The following METTL16 variants were observed in gnomAD, a reference collection of about 807,000 sequenced individuals.
METTL16 encodes RNA N(6)-adenosine-methyltransferase METTL16.
Under a neutral mutation model 57.9 loss-of-function variants are expected in METTL16, and 19 were observed. The observed-to-expected ratio is 0.33, with a 90% confidence interval of 0.23 to 0.48. The LOEUF is 0.48. METTL16 is among the 20% of genes least tolerant of loss of function. The pLI is 0.99. For synonymous variants in METTL16, 246 were observed against 255.6 expected (o/e 0.96, Z 0.36); for missense variants, 434 against 691.5 (o/e 0.63, Z 4.18).
At chr17:2,485,660 T>C (rs2067336176) in intron 2 of METTL16, among the ~76,000 whole-genome samples, 1 of 152,248 alleles carries the variant, frequency 6.6e-6, no homozygotes, top group Non-Finnish European at 1.5e-5. Context: ...ACAGCTGGCA[T>C]GCATTCCTTT....
At chr17:2,500,344 T>C (rs1002857120) in intron 2 of METTL16, among the ~76,000 whole-genome samples, 2 of 152,088 alleles carry the variant, frequency 1.3e-5, no homozygotes, top group African/African-American at 4.8e-5. Flanking sequence ...TGGCACAATC[T>C]CGGCTCACTG....
At chr17:2,442,211 C>T (rs1367124713) in intron 6 of METTL16, among the ~76,000 whole-genome samples, 1 of 152,216 alleles carries the variant, frequency 6.6e-6, no homozygotes, top group Non-Finnish European at 1.5e-5. Flanking sequence ...CCACCATAAA[C>T]AACCAGGAAA....
intron 2 of METTL16, among the ~76,000 whole-genome samples, chr17:2,485,541 G>C (rs1248409715): frequency 6.6e-6 from 1 of 151,978 alleles, no homozygotes. Context: ...AGAAAGTTGG[G>C]GTACTTGGCT....
At chr17:2,490,710 G>A (rs537418056) in intron 2 of METTL16, among the ~76,000 whole-genome samples, 1 of 152,178 alleles carries the variant, frequency 6.6e-6, no homozygotes, top group Non-Finnish European at 1.5e-5. Flanking sequence ...ATCACCAAAA[G>A]ATAGTGCTGC....
intron 8 of METTL16, among the ~76,000 whole-genome samples, chr17:2,427,152 A>G (rs1033138707): frequency 6.6e-6 from 1 of 152,228 alleles, no homozygotes; most frequent in South Asian, 2.1e-4. Flanking sequence ...GCTCAAAAAT[A>G]TAAATACAAA....
chr17:2,438,022 A>G (rs2066921131), intron 8 of METTL16, 87 bp downstream of exon 8: 1 of 963,482 alleles, frequency 1.0e-6, no homozygotes, highest in Middle Eastern at 2.1e-4. Context: ...TCAGTTAAAC[A>G]GGACACTACC....
chr17:2,491,610 T>C (rs923932274), intron 2 of METTL16, among the ~76,000 whole-genome samples: 16 of 152,140 alleles, frequency 1.1e-4, no homozygotes, highest in Non-Finnish European at 1.9e-4. Context: ...GCACGGTGGC[T>C]CACACCTGTA....
intron 8 of METTL16, among the ~76,000 whole-genome samples, chr17:2,434,407 G>A (rs545517682): frequency 3.7e-4 from 57 of 152,256 alleles, no homozygotes; most frequent in South Asian, 2.3e-3. Context: ...TAGAGATGGG[G>A]TTTCATCATG....
chr17:2,498,513 A>G (rs113546386), intron 2 of METTL16, among the ~76,000 whole-genome samples: 4,928 of 151,632 alleles, frequency 0.032, 280 homozygotes, highest in African/African-American at 0.087. Flanking sequence ...TGAGGTGGGC[A>G]GATCACTTGA....
At chr17:2,481,064 C>T (rs2067302267) in intron 2 of METTL16, among the ~76,000 whole-genome samples, 1 of 151,952 alleles carries the variant, frequency 6.6e-6, no homozygotes, top group African/African-American at 2.4e-5. Context: ...ATTAGCCAAG[C>T]ATAGTGGCAC....
intron 2 of METTL16, among the ~76,000 whole-genome samples, chr17:2,494,371 G>A (rs952536563): frequency 6.6e-6 from 1 of 152,104 alleles, no homozygotes; most frequent in East Asian, 1.9e-4. Context: ...TATTTAGGGG[G>A]TATATGGGAT....
In METTL16 at chr17:2,499,041, G is replaced by A. The variant is rs182149700; in HGVS notation, c.128+3163C>T. 1.1e-4 allele frequency among the ~76,000 whole-genome samples: 16 copies of A among 151,560 alleles called. No homozygotes were observed. The East Asian group carries it at 2.9e-3, about 27-fold the overall frequency. On this transcript the variant is annotated intron_variant, in intron 2 of 9. Transcript: ENST00000263092. ...TAAAACACAACCAAGAGACCATTTC[G>A]GTTTCAAATCATTCTCTAAATCCCA...
intron 8 of METTL16, among the ~76,000 whole-genome samples, chr17:2,422,238 GGAGCCAAAGGTTGCAGT>G (rs747887991): frequency 2.2e-4 from 34 of 151,760 alleles, no homozygotes; most frequent in South Asian, 6.3e-4. Flanking sequence ...CTTGAACCCA[GGAGCCAAAGGTTGCAGT>G]GAGCCAAAGG....
intron 6 of METTL16, among the ~76,000 whole-genome samples, chr17:2,444,777 G>C (rs889336967): frequency 6.7e-6 from 1 of 149,596 alleles, no homozygotes; most frequent in African/African-American, 2.5e-5. Context: ...GCAGTGGCGT[G>C]ATCTTGGCTC....
intron 2 of METTL16, among the ~76,000 whole-genome samples, chr17:2,491,617 T>C (rs1295336081): frequency 3.9e-5 from 6 of 152,188 alleles, no homozygotes; most frequent in Non-Finnish European, 8.8e-5. Context: ...GGCTCACACC[T>C]GTAATGTCAG....
chr17:2,447,440 G>T (rs1567889267), intron 6 of METTL16, among the ~76,000 whole-genome samples: 1 of 141,604 alleles, frequency 7.1e-6, no homozygotes, highest in African/African-American at 3.0e-5. Flanking sequence ...CCCCGTCCGG[G>T]AGGGAGGTGG....
intron 5 of METTL16, among the ~76,000 whole-genome samples, chr17:2,464,589 T>C (rs942632307): frequency 2.6e-5 from 4 of 152,246 alleles, no homozygotes; most frequent in Non-Finnish European, 4.4e-5. Context: ...GAAAATTGTT[T>C]ACCTTTTTAT....
intron 6 of METTL16, among the ~76,000 whole-genome samples, chr17:2,452,435 TACCC>T (rs2067078089): frequency 6.6e-6 from 1 of 152,140 alleles, no homozygotes; most frequent in Non-Finnish European, 1.5e-5. Flanking sequence ...TAAATATGCC[TACCC>T]ACTAGATCCT....
chr17:2,480,143 G>A (rs995415930), intron 2 of METTL16, among the ~76,000 whole-genome samples: 41 of 147,206 alleles, frequency 2.8e-4, no homozygotes, highest in African/African-American at 1.0e-3. Flanking sequence ...CCGAGACTGT[G>A]CCACTGCACT....
Sources: gnomAD v4.1 joint callset for allele counts (sites outside exome capture counted in the v4.1 genomes callset) on GRCh38, gnomAD v4.1.1 for gene constraint, MANE v1.5 for transcripts, NCBI Gene and HGNC (gene_info 2026-07-23, HGNC 2026-07-21) for gene names.